Variants in ZNF507 observed in about 807,000 individuals in gnomAD.
The protein encoded by ZNF507 is zinc finger protein 507.
Under a neutral mutation model 80.0 loss-of-function variants are expected in ZNF507, and 29 were observed. The ratio of observed to expected loss-of-function variants is 0.36; its 90% CI spans 0.27 to 0.49. The LOEUF (loss-of-function observed/expected upper bound fraction) is 0.49. Among genes scored for constraint, ZNF507 ranks in the 20% least tolerant of loss-of-function variants. The probability of loss-of-function intolerance (pLI) is 0.98; values close to 1 mark genes in which losing one functional copy is unlikely to be tolerated. For missense variants in ZNF507, 1,081 were observed against 1,152.2 expected, an observed-to-expected ratio of 0.94 and a Z score of 0.90; for synonymous variants, 462 against 422.5, an observed-to-expected ratio of 1.09 and a Z score of -1.15.
At chr19:32,347,707 C>T (rs994891866) in intron 2 of ZNF507, among the ~76,000 whole-genome samples, 2 of 152,062 alleles carry the variant, frequency 1.3e-5, no homozygotes, top group Middle Eastern at 6.8e-3. Context: ...AGACTTGCAC[C>T]TCATGGGCAA....
rs1443202289 is a variant in ZNF507, at chr19:32,353,360, A to G, written c.530A>G (p.Asp177Gly). The change falls in exon 3 of 7, where the codon GAC (aspartate) becomes GGC (glycine). Residue 177 changes from aspartate (D) to glycine (G), a missense_variant. This residue lies in a region of ZNF507 where 275 missense variants were observed against 303.9 expected (regional missense o/e 0.90). Transcript: ENST00000355898. ...GAACTTGAAGCCCACGTGGTGAATG[A>G]CCATGACAATGATGCCAATATCCAC... Reference protein sequence around the residue: ...QEELEAHVVNDHDNDANIHTQ... With the variant: ...QEELEAHVVNGHDNDANIHTQ... The G allele has an allele frequency of 6.2e-7, 1 of 1,614,234 alleles. No homozygotes were observed.
At chr19:32,364,934 G>C (rs767134125) in intron 5 of ZNF507, among the ~76,000 whole-genome samples, 4 of 151,764 alleles carry the variant, frequency 2.6e-5, no homozygotes, top group African/African-American at 9.7e-5. Context: ...CCCACCAACC[G>C]TGTAGAAGTG....
intron 5 of ZNF507, among the ~76,000 whole-genome samples, chr19:32,379,874 G>A (rs1158700243): frequency 6.6e-6 from 1 of 151,926 alleles, no homozygotes; most frequent in Non-Finnish European, 1.5e-5. Context: ...AACAGTCACT[G>A]TGGGTTGTAT....
intron 5 of ZNF507, among the ~76,000 whole-genome samples, chr19:32,361,852 CTTCCTTCCT>C (rs1390837283): frequency 2.8e-5 from 4 of 142,380 alleles, no homozygotes; most frequent in South Asian, 2.2e-4. Flanking sequence ...TCTTCCTTTC[CTTCCTTCCT>C]TTCCTTCCTT....
At chr19:32,370,076 ATG>A (rs1967448987) in intron 5 of ZNF507, among the ~76,000 whole-genome samples, 2 of 152,188 alleles carry the variant, frequency 1.3e-5, no homozygotes, top group African/African-American at 2.4e-5. Context: ...TTAAGGCGGA[ATG>A]ATTGAGTATG....
At chr19:32,357,888 G>C (rs564246782) in intron 4 of ZNF507, 13 of 152,158 alleles carry the variant, frequency 8.5e-5, no homozygotes, top group Non-Finnish European at 1.8e-4. Context: ...TATCAGTGTT[G>C]GAAGATGTCT....
At chr19:32,380,588 CTG>C in intron 5 of ZNF507, 2 of 1,535,164 alleles carry the variant, frequency 1.3e-6, no homozygotes, top group Non-Finnish European at 1.7e-6. Flanking sequence ...TTATTGCTGA[CTG>C]TGTCTCTTAT....
At position 32,354,677 on chromosome 19, in the gene ZNF507, A is replaced by G. The variant is rs1008554128; in HGVS notation, c.1847A>G (p.Gln616Arg). Residue 616 changes from glutamine to arginine, a missense_variant, in exon 3 of 7, where the codon CAG (glutamine) becomes CGG (arginine). Gln to Arg is a conservative substitution (Grantham distance 43). Transcript: ENST00000355898. ...TTGAAAGAGTTGCAGGACAACGCCC[A>G]GTGCCAACCCAACAGCGATACAAGT... ...DILKELQDNA[Q>R]CQPNSDTSLS... 2 of 1,614,086 alleles carry G rather than the reference A, an allele frequency of 1.2e-6. No individual in the cohort carries two copies. Among genetic ancestry groups the G allele is most frequent in the Non-Finnish European group, 1.7e-6 (2 of 1,180,048 alleles).
At position 32,384,079 on chromosome 19, in the gene ZNF507, T is replaced by G. The variant is rs1967658364; in HGVS notation, c.*996T>G. On this transcript the variant is annotated 3_prime_UTR_variant, in exon 7 of 7. Coordinates refer to ENST00000355898, the MANE Select transcript of ZNF507 (RefSeq NM_001136156.2). ...AAAAGCTCCTGAAAATGAGTACTGC[T>G]GTGTTGAGCTTTTCTTTCCTGGGGT... is the stretch of plus-strand genomic sequence containing the variant. 1.3e-5 allele frequency: 2 copies of G among 152,244 alleles called. No homozygotes were observed. Among genetic ancestry groups the G allele is most frequent in the South Asian group, 4.1e-4 (2 of 4,834 alleles). The allele number at this position is 152,244 out of a possible 1,614,324, so 9.4% of individuals were successfully genotyped here.
Position 32,353,684 on chromosome 19 carries a change from A to G in ZNF507, c.854A>G (p.Asn285Ser). The stretch of plus-strand genomic sequence containing the variant: ...TCCTATCCAATCTTTGAAAATGAAA[A>G]TGAACCCCTAGGCCTGCTGGATTCT... ...DCSYPIFENENEPLGLLDSSA... is the reference protein window; with the variant it reads ...DCSYPIFENESEPLGLLDSSA... The change falls in exon 3 of 7, where the codon AAT becomes AGT. Residue 285 changes from asparagine to serine, a missense_variant. Asn to Ser is a conservative substitution (Grantham distance 46). Around this residue, in one of 6 missense-constraint regions of ZNF507, gnomAD observed 614 missense variants for 583.9 expected, o/e 1.05. Transcript: ENST00000355898. 3 of 1,614,150 alleles carry G rather than the reference A, an allele frequency of 1.9e-6. No homozygotes were observed. The highest frequency in any genetic ancestry group is 2.5e-6 in the Non-Finnish European group (3 of 1,180,026).
chr19:32,376,916 GGA>G (rs1233254713), intron 5 of ZNF507, among the ~76,000 whole-genome samples: 2 of 151,584 alleles, frequency 1.3e-5, no homozygotes, highest in Non-Finnish European at 2.9e-5. Flanking sequence ...AGAGAGAGAG[GGA>G]GAGAGAGAGA....
chr19:32,358,272 T>A (rs1040008551), intron 4 of ZNF507: 4 of 152,178 alleles, frequency 2.6e-5, no homozygotes, highest in African/African-American at 9.6e-5. Context: ...AAAGAAAAAA[T>A]TTTTAGCTCA....
intron 5 of ZNF507, chr19:32,380,627 A>T (rs1369588999): frequency 2.0e-6 from 3 of 1,535,034 alleles, no homozygotes; most frequent in Non-Finnish European, 2.6e-6. Context: ...TCAGGTAAGT[A>T]AGTTATCTGG....
intron 4 of ZNF507, chr19:32,357,437 G>T (rs1259194776): frequency 6.6e-6 from 1 of 152,162 alleles, no homozygotes; most frequent in African/African-American, 2.4e-5. Context: ...GTTTATGGGA[G>T]ATAAGACATA....
intron 5 of ZNF507, among the ~76,000 whole-genome samples, chr19:32,376,708 A>G (rs1265243365): frequency 1.3e-5 from 2 of 152,232 alleles, no homozygotes; most frequent in African/African-American, 2.4e-5. Context: ...AAGAAAAGAC[A>G]GCTGGGCCTG....
At chr19:32,367,782 A>G (rs1967418287) in intron 5 of ZNF507, among the ~76,000 whole-genome samples, 1 of 152,204 alleles carries the variant, frequency 6.6e-6, no homozygotes, top group Non-Finnish European at 1.5e-5. Context: ...AGCAGGGGGA[A>G]TGACAGTTTG....
intron 2 of ZNF507, among the ~76,000 whole-genome samples, chr19:32,350,962 A>T (rs1158535164): frequency 1.3e-5 from 2 of 152,238 alleles, no homozygotes; most frequent in Non-Finnish European, 2.9e-5. Context: ...GAAGTCACAA[A>T]AGGGTTTTTC....
chr19:32,382,299 C>T, intron 5 of ZNF507, 168 bp from the exon 6 acceptor site: 1 of 782,442 alleles, frequency 1.3e-6, no homozygotes, highest in Non-Finnish European at 2.0e-6. Flanking sequence ...TAGGACCTCT[C>T]TGAAATCAGT....
At chr19:32,359,203 A>G (rs1030828717) in intron 4 of ZNF507, 2 of 151,904 alleles carry the variant, frequency 1.3e-5, no homozygotes, top group Non-Finnish European at 2.9e-5. Flanking sequence ...TTAGATTATA[A>G]TTATGATTAG....
Sources: gnomAD v4.1 joint callset for allele counts (sites outside exome capture counted in the v4.1 genomes callset) on GRCh38, gnomAD v4.1.1 for gene constraint, gnomAD v4.1.1 regional missense constraint, MANE v1.5 for transcripts, NCBI Gene and HGNC (gene_info 2026-07-23, HGNC 2026-07-21) for gene names.